Variants in PDE1A observed in about 807,000 individuals in gnomAD.
PDE1A encodes the protein phosphodiesterase 1A.
A neutral mutation model predicts 61.7 loss-of-function variants in PDE1A; 35 were observed. The observed-to-expected ratio is 0.57, with a 90% CI of 0.43 to 0.75. PDE1A has a LOEUF of 0.75. PDE1A is among the 30% of genes least tolerant of loss of function. The pLI is 0.00. For missense variants in PDE1A, 597 were observed against 630.6 expected (o/e 0.95, Z 0.57); for synonymous variants, 232 against 213.2 (o/e 1.09, Z -0.77).
the PDE1A span, among the ~76,000 whole-genome samples, chr2:182,677,841 C>T: frequency 6.6e-6 from 1 of 152,170 alleles, no homozygotes; most frequent in African/African-American, 2.4e-5. Flanking sequence ...AAACTGGACC[C>T]CTTCCTTACA....
chr2:182,164,454 A>G (rs1691545457), downstream of PDE1A, among the ~76,000 whole-genome samples: 1 of 152,158 alleles, frequency 6.6e-6, no homozygotes, highest in South Asian at 2.1e-4. Flanking sequence ...GGCAAAAAAT[A>G]TAAAAATATT....
intron 1 of PDE1A, among the ~76,000 whole-genome samples, chr2:182,425,030 G>A (rs1703521450): frequency 6.6e-6 from 1 of 152,172 alleles, no homozygotes; most frequent in Non-Finnish European, 1.5e-5. Context: ...CAGTTAAGTT[G>A]CAATCCACCT....
intron 13 of PDE1A, among the ~76,000 whole-genome samples, chr2:182,155,337 T>C (rs1196073): frequency 0.49 from 73,729 of 151,788 alleles, 19,384 homozygotes; most frequent in African/African-American, 0.69. Context: ...AATCTGCTCA[T>C]CTCGGCCTCC....
intron 1 of PDE1A, among the ~76,000 whole-genome samples, chr2:182,386,875 G>A (rs1449151507): frequency 6.7e-6 from 1 of 148,800 alleles, no homozygotes; most frequent in Non-Finnish European, 1.5e-5. Flanking sequence ...CCTTCTGGGA[G>A]GTGAGGAGCC....
chr2:182,575,364 T>C, the PDE1A span, among the ~76,000 whole-genome samples: 1 of 151,988 alleles, frequency 6.6e-6, no homozygotes, highest in Non-Finnish European at 1.5e-5. Flanking sequence ...GCCAACACTA[T>C]AACTCCCTTC....
At chr2:182,195,225 T>A (rs1686040213) in intron 10 of PDE1A, among the ~76,000 whole-genome samples, 1 of 152,096 alleles carries the variant, frequency 6.6e-6, no homozygotes, top group Non-Finnish European at 1.5e-5. Flanking sequence ...ATACTGATAC[T>A]TTGCCTCGGA....
the PDE1A span, among the ~76,000 whole-genome samples, chr2:182,627,109 TA>T: frequency 2.1e-5 from 1 of 47,940 alleles, no homozygotes; most frequent in African/African-American, 7.0e-5. Context: ...ATATATAAAA[TA>T]TAAATAATAT....
chr2:182,209,593 G>C (rs1210525094), intron 7 of PDE1A, among the ~76,000 whole-genome samples: 1 of 151,692 alleles, frequency 6.6e-6, no homozygotes, highest in Non-Finnish European at 1.5e-5. Context: ...CTGGTAGAGG[G>C]ACCTGGTAGG....
chr2:182,705,993 C>T, the PDE1A span, among the ~76,000 whole-genome samples: 3 of 152,180 alleles, frequency 2.0e-5, no homozygotes, highest in Non-Finnish European at 4.4e-5. Flanking sequence ...GTCAGTTATG[C>T]AACGGAATTG....
chr2:182,385,099 C>A (rs1700952000), intron 1 of PDE1A, among the ~76,000 whole-genome samples: 1 of 152,140 alleles, frequency 6.6e-6, no homozygotes, highest in African/African-American at 2.4e-5. Flanking sequence ...ATGATAACAA[C>A]TTTCCCAGAA....
At chr2:182,665,045 A>G in the PDE1A span, among the ~76,000 whole-genome samples, 1 of 152,198 alleles carries the variant, frequency 6.6e-6, no homozygotes, top group African/African-American at 2.4e-5. Context: ...ATTTTTAATC[A>G]AATCAAACTT....
At chr2:182,237,335 T>A (rs11691411) in intron 3 of PDE1A, among the ~76,000 whole-genome samples, 64,102 of 151,880 alleles carry the variant, frequency 0.42, 14,004 homozygotes, top group Middle Eastern at 0.57. Context: ...CTACTAAAAA[T>A]ACAAAAAACA....
the PDE1A span, among the ~76,000 whole-genome samples, chr2:182,612,245 C>T: frequency 6.6e-6 from 1 of 152,070 alleles, no homozygotes; most frequent in Non-Finnish European, 1.5e-5. Context: ...AATCAGGTTG[C>T]TTAGACAAAG....
intron 2 of PDE1A, among the ~76,000 whole-genome samples, chr2:182,468,444 T>G (rs1200475648): frequency 6.6e-6 from 1 of 152,018 alleles, no homozygotes; most frequent in Non-Finnish European, 1.5e-5. Context: ...TATTACAAGA[T>G]TGAAGTAATT....
intron 1 of PDE1A, among the ~76,000 whole-genome samples, chr2:182,361,421 G>T (rs1699500655): frequency 6.6e-6 from 1 of 151,928 alleles, no homozygotes; most frequent in Non-Finnish European, 1.5e-5. Flanking sequence ...TTCCCCAAAG[G>T]ATTTGTAAAT....
the PDE1A span, among the ~76,000 whole-genome samples, chr2:182,616,107 G>A: frequency 1.3e-5 from 2 of 152,256 alleles, no homozygotes; most frequent in African/African-American, 2.4e-5. Context: ...TACTTCATAG[G>A]AATGTTGTAA....
chr2:182,151,551 G>A (rs1351615013), intron 13 of PDE1A, among the ~76,000 whole-genome samples: 1 of 152,154 alleles, frequency 6.6e-6, no homozygotes, highest in Non-Finnish European at 1.5e-5. Context: ...TAGTTTGACT[G>A]TTTCCCAAGC....
At chr2:182,358,110 C>A (rs978709637) in intron 1 of PDE1A, among the ~76,000 whole-genome samples, 1 of 152,124 alleles carries the variant, frequency 6.6e-6, no homozygotes, top group Non-Finnish European at 1.5e-5. Context: ...ATGATTGCAC[C>A]CTTCCTCACT....
chr2:182,688,286 C>T, the PDE1A span, among the ~76,000 whole-genome samples: 4 of 152,154 alleles, frequency 2.6e-5, no homozygotes, highest in Admixed American at 1.3e-4. Context: ...GAGAAAGATC[C>T]GGTTACCCAC....
Sources: gnomAD v4.1 joint callset for allele counts (sites outside exome capture counted in the v4.1 genomes callset) on GRCh38, gnomAD v4.1.1 for gene constraint, MANE v1.5 for transcripts, NCBI Gene and HGNC (gene_info 2026-07-23, HGNC 2026-07-21) for gene names.